SSH2: variants seen among roughly 807,000 people sequenced by gnomAD.
SSH2 encodes slingshot protein phosphatase 2, also known as protein phosphatase Slingshot homolog 2.
A neutral mutation model predicts 135.2 loss-of-function variants in SSH2; 37 were observed. The ratio of observed to expected loss-of-function variants is 0.27; its 90% CI spans 0.21 to 0.36. SSH2 has a LOEUF of 0.36. SSH2 is among the 10% of genes least tolerant of loss of function. The probability of loss-of-function intolerance (pLI) is 1.00; values close to 1 mark genes in which losing one functional copy is unlikely to be tolerated. For synonymous variants in SSH2, 628 were observed against 646.2 expected (o/e 0.97, Z 0.43); for missense variants, 1,408 against 1,765.3 (o/e 0.80, Z 3.63).
intron 12 of SSH2, among the ~76,000 whole-genome samples, chr17:29,653,604 CCAGA>C (rs576501308): frequency 9.9e-5 from 15 of 151,278 alleles, no homozygotes; most frequent in East Asian, 3.9e-4. Flanking sequence ...TTTTTTTTCC[CCAGA>C]CAGAGTCTCA....
Position 29,900,281 on chromosome 17 carries a change from T to C in SSH2, c.63+29657A>G, listed in dbSNP as rs568978361. ...GGCAACAAAAGCCAAAATAGACAAA[T>C]GGGATCTAATTAAACTAAAGAGCTT... is the stretch of plus-strand genomic sequence containing the variant. On this transcript the variant is annotated intron_variant, in intron 1 of 15. Coordinates refer to ENST00000540801, the MANE Select transcript of SSH2 (RefSeq NM_001282129.2). Among the ~76,000 whole-genome samples the C allele has an allele frequency of 2.2e-3, 334 of 152,076 alleles. 1 individual carries two copies. Among genetic ancestry groups the C allele is most frequent in the African/African-American group, 7.9e-3 (329 of 41,462 alleles).
rs932938958 is a variant in SSH2 at position 29,766,909 on chromosome 17, C to T, written c.188+26985G>A. Among the ~76,000 whole-genome samples, 14 of 152,258 alleles carry T rather than the reference C, an allele frequency of 9.2e-5. No homozygotes were observed. In the East Asian group the frequency reaches 2.7e-3, roughly 29 times the overall value. ...TATCTGAATTTTCACCAAGAGGTAT[C>T]TTACTACACTTAGTCAATGGCATTC... On this transcript the variant is annotated intron_variant, in intron 3 of 15. Transcript: ENST00000540801.
At chr17:29,818,379 G>C (rs1341143420) in intron 2 of SSH2, among the ~76,000 whole-genome samples, 2 of 151,698 alleles carry the variant, frequency 1.3e-5, no homozygotes, top group Non-Finnish European at 2.9e-5. Context: ...CTCCCGAGTA[G>C]CTGGGACTAC....
At chr17:29,802,520 T>C (rs1165521847) in intron 2 of SSH2, among the ~76,000 whole-genome samples, 2 of 149,962 alleles carry the variant, frequency 1.3e-5, no homozygotes. Context: ...TGGTGGCTCA[T>C]GCCTGTAATC....
chr17:29,751,685 C>T (rs1292977448), intron 3 of SSH2, among the ~76,000 whole-genome samples: 1 of 152,076 alleles, frequency 6.6e-6, no homozygotes. Context: ...TCTTATGGGA[C>T]CACTTCTGTA....
rs866879106 is a variant in SSH2 at position 29,636,430 on chromosome 17, G to C, written c.1800C>G (p.Ser600=). The C allele has an allele frequency of 1.2e-6, 2 of 1,614,192 alleles. No individual in the cohort carries two copies. Among genetic ancestry groups the C allele is most frequent in the African/African-American group, 1.3e-5 (1 of 75,034 alleles). ...SKFPLDNCHA[S]KALIQPGHVP... ...CATGTCCAGGCTGAATTAAGGCTTT[G>C]GATGCATGGCAATTGTCAAGAGGAA... Residue 600 remains serine, a synonymous_variant, in exon 15 of 16, where the codon TCC becomes TCG. Transcript: ENST00000540801.
In SSH2 at chr17:29,807,603, T is replaced by C. The variant is rs146634406; in HGVS notation, c.145-13666A>G. On this transcript the variant is annotated intron_variant, in intron 2 of 15. Transcript: ENST00000540801. ...ATAAATGTATGGCACAGGAAGTACA[T>C]GTCACAGGAATTCAGAAGAGAGATG... 3.3e-4 allele frequency among the ~76,000 whole-genome samples: 51 copies of C among 152,246 alleles called. 2 individuals are homozygous for C. In the East Asian group the frequency reaches 9.7e-3, roughly 29 times the overall value.
At chr17:29,835,562 A>T (rs1045056351) in intron 2 of SSH2, among the ~76,000 whole-genome samples, 11 of 152,156 alleles carry the variant, frequency 7.2e-5, no homozygotes, top group Non-Finnish European at 1.6e-4. Flanking sequence ...CTGCAAATTC[A>T]GTTCAAGTAA....
chr17:29,897,362 T>C (rs933739189), intron 1 of SSH2, among the ~76,000 whole-genome samples: 1 of 152,096 alleles, frequency 6.6e-6, no homozygotes, highest in Admixed American at 6.6e-5. Context: ...TCAAGACCCA[T>C]CAGTGTGCTG....
chr17:29,708,718 A>C (rs1157825428), intron 3 of SSH2, among the ~76,000 whole-genome samples: 1 of 151,810 alleles, frequency 6.6e-6, no homozygotes, highest in Non-Finnish European at 1.5e-5. Flanking sequence ...AAACTCTATG[A>C]AGTCATTTGT....
chr17:29,903,178 C>G (rs1029956541), intron 1 of SSH2, among the ~76,000 whole-genome samples: 2 of 150,572 alleles, frequency 1.3e-5, no homozygotes, highest in Non-Finnish European at 3.0e-5. Flanking sequence ...GAGCAAGACT[C>G]TGTCTCAACT....
chr17:29,636,238 ACTGGGTTGGGGG>A lies in SSH2; in HGVS notation c.1980_1991del (p.Pro661_Ser664del), dbSNP rs770850414. ...TGAAATCTGAGATTTCAGTCTGGCAACTGGGTTGGGGGCTTGGTGACTCAGGATCAGGGGACA... is the reference window on the plus strand; with the variant it reads ...TGAAATCTGAGATTTCAGTCTGGCAACTTGGTGACTCAGGATCAGGGGACA... On this transcript the variant is annotated inframe_deletion, in exon 15 of 16. Transcript: ENST00000540801. 20 of 1,613,964 alleles carry A rather than the reference ACTGGGTTGGGGG, an allele frequency of 1.2e-5. No individual in the cohort carries two copies. The Admixed American group carries it at 3.3e-4, about 27-fold the overall frequency.
At chr17:29,783,036 G>A (rs2041874116) in intron 3 of SSH2, among the ~76,000 whole-genome samples, 1 of 151,970 alleles carries the variant, frequency 6.6e-6, no homozygotes, top group African/African-American at 2.4e-5. Flanking sequence ...CAGAGTTTTG[G>A]TATAAAGGAT....
intron 1 of SSH2, among the ~76,000 whole-genome samples, chr17:29,922,596 A>G (rs2066994871): frequency 6.6e-6 from 1 of 152,242 alleles, no homozygotes; most frequent in African/African-American, 2.4e-5. Context: ...ACAATAAAAT[A>G]CAAATCAAAC....
At chr17:29,863,249 T>G (rs2065796260) in intron 1 of SSH2, among the ~76,000 whole-genome samples, 1 of 152,138 alleles carries the variant, frequency 6.6e-6, no homozygotes, top group African/African-American at 2.4e-5. Flanking sequence ...AGAACTGTTC[T>G]CTAATCTGTG....
chr17:29,645,522 GC>G (rs2036335118), intron 14 of SSH2: 2 of 152,046 alleles, frequency 1.3e-5, no homozygotes, highest in African/African-American at 2.4e-5. Flanking sequence ...GCTTGCAGAA[GC>G]CTGGGATTCC....
At chr17:29,835,709 T>C (rs539830905) in intron 2 of SSH2, among the ~76,000 whole-genome samples, 2 of 152,380 alleles carry the variant, frequency 1.3e-5, no homozygotes, top group Non-Finnish European at 2.9e-5. Context: ...TGTCTCTCTC[T>C]ATAATTTATT....
chr17:29,818,655 C>T (rs1412535527), intron 2 of SSH2, among the ~76,000 whole-genome samples: 2 of 152,142 alleles, frequency 1.3e-5, no homozygotes, highest in African/African-American at 4.8e-5. Flanking sequence ...GATGAGTACA[C>T]CTGATAGGAA....
chr17:29,776,865 C>A (rs2041713297), intron 3 of SSH2, among the ~76,000 whole-genome samples: 1 of 152,232 alleles, frequency 6.6e-6, no homozygotes, highest in African/African-American at 2.4e-5. Flanking sequence ...TTGCTGAAAG[C>A]AGCCTTTTAA....
Sources: allele counts gnomAD v4.1 joint callset (sites outside exome capture counted in the v4.1 genomes callset), GRCh38; gene constraint gnomAD v4.1.1; transcripts MANE v1.5; gene names NCBI Gene and HGNC (gene_info 2026-07-23, HGNC 2026-07-21).